SUMF1: variants seen among roughly 807,000 people sequenced by gnomAD.
SUMF1 encodes sulfatase modifying factor 1.
A neutral mutation model predicts 47.6 loss-of-function variants in SUMF1; 48 were observed. That is an observed-to-expected ratio of 1.01 (90% CI 0.80 to 1.28). SUMF1 has a LOEUF of 1.28. SUMF1 is among the 50% of genes most tolerant of loss of function. The pLI is 0.00. For synonymous variants in SUMF1, 230 were observed against 192.1 expected (o/e 1.20, Z -1.63); for missense variants, 571 against 485.4 (o/e 1.18, Z -1.66).
intron 8 of SUMF1, among the ~76,000 whole-genome samples, chr3:4,143,398 TGA>T (rs1432489584): frequency 3.9e-5 from 6 of 151,954 alleles, no homozygotes; most frequent in Non-Finnish European, 8.8e-5. Context: ...TTGCAAGAAG[TGA>T]GTTTTCTTTT....
At chr3:4,077,686 T>G (rs1196354672) in intron 8 of SUMF1, among the ~76,000 whole-genome samples, 1 of 151,966 alleles carries the variant, frequency 6.6e-6, no homozygotes, top group Non-Finnish European at 1.5e-5. Flanking sequence ...GGGATAGCAT[T>G]AGGAGAAATA....
chr3:4,186,515 C>A (rs1268685885), intron 8 of SUMF1, among the ~76,000 whole-genome samples: 2 of 152,040 alleles, frequency 1.3e-5, no homozygotes, highest in African/African-American at 4.8e-5. Flanking sequence ...ATTCAGCCCA[C>A]CATTTTTGTC....
At chr3:4,447,901 G>A (rs58277199) in intron 3 of SUMF1, among the ~76,000 whole-genome samples, 2,128 of 152,162 alleles carry the variant, frequency 0.014, 50 homozygotes, top group African/African-American at 0.049. Context: ...AGTGACAAGA[G>A]GCCCTGTATC....
At chr3:4,034,859 T>C (rs1040892474) in intron 9 of SUMF1, among the ~76,000 whole-genome samples, 1 of 151,796 alleles carries the variant, frequency 6.6e-6, no homozygotes, top group African/African-American at 2.4e-5. Flanking sequence ...CCCTCCAGGA[T>C]TTTAGGAAAA....
chr3:4,037,026 C>G (rs1694813224), intron 9 of SUMF1, among the ~76,000 whole-genome samples: 1 of 151,904 alleles, frequency 6.6e-6, no homozygotes, highest in Non-Finnish European at 1.5e-5. Flanking sequence ...CAAGGAGACA[C>G]AAATCAGAAA....
At chr3:4,316,204 TATTTTA>T in intron 8 of SUMF1, 1 of 683,864 alleles carries the variant, frequency 1.5e-6, no homozygotes, top group Non-Finnish European at 2.6e-6. Flanking sequence ...TGTTTATGTT[TATTTTA>T]GACTATGAAA....
chr3:4,393,904 C>T (rs1404047440), intron 7 of SUMF1, among the ~76,000 whole-genome samples: 3 of 152,016 alleles, frequency 2.0e-5, no homozygotes, highest in Non-Finnish European at 1.5e-5. Context: ...TGACCTCTTA[C>T]ATTGCAATTA....
intron 8 of SUMF1, among the ~76,000 whole-genome samples, chr3:4,343,697 G>A (rs558973284): frequency 6.6e-6 from 1 of 152,330 alleles, no homozygotes; most frequent in Non-Finnish European, 1.5e-5. Context: ...AATTCACTGT[G>A]CATGGATGTA....
intron 8 of SUMF1, among the ~76,000 whole-genome samples, chr3:4,207,917 A>T (rs1197247020): frequency 6.6e-6 from 1 of 152,090 alleles, no homozygotes; most frequent in Non-Finnish European, 1.5e-5. Context: ...CACGTCTGAG[A>T]GTTAAAAACT....
chr3:4,133,226 T>C (rs1559498184), intron 8 of SUMF1, among the ~76,000 whole-genome samples: 1 of 152,184 alleles, frequency 6.6e-6, no homozygotes, highest in Non-Finnish European at 1.5e-5. Context: ...ATAAGATTTA[T>C]TGATTTCACA....
At chr3:4,429,855 A>C (rs1400970147) in intron 3 of SUMF1, among the ~76,000 whole-genome samples, 2 of 152,142 alleles carry the variant, frequency 1.3e-5, no homozygotes, top group African/African-American at 2.4e-5. Context: ...GGCACATCTC[A>C]TCTCACCGGG....
intron 8 of SUMF1, among the ~76,000 whole-genome samples, chr3:4,134,075 C>A (rs935965081): frequency 2.6e-5 from 4 of 152,210 alleles, no homozygotes; most frequent in African/African-American, 9.6e-5. Flanking sequence ...AGAAAGTTAA[C>A]AAGGATATCC....
At chr3:4,059,667 G>A (rs769267991) in intron 9 of SUMF1, among the ~76,000 whole-genome samples, 4 of 151,512 alleles carry the variant, frequency 2.6e-5, no homozygotes, top group African/African-American at 4.8e-5. Context: ...GAGCAAAAAC[G>A]AAAACAATTT....
At chr3:4,086,815 C>T (rs11915355) in intron 8 of SUMF1, among the ~76,000 whole-genome samples, 12,280 of 151,956 alleles carry the variant, frequency 0.081, 875 homozygotes, top group African/African-American at 0.19. Flanking sequence ...TGAAATCTGA[C>T]GGTTTTATAA....
intron 9 of SUMF1, among the ~76,000 whole-genome samples, chr3:4,040,515 T>C (rs1254067174): frequency 6.6e-6 from 1 of 152,172 alleles, no homozygotes; most frequent in African/African-American, 2.4e-5. Flanking sequence ...GAACATGCAA[T>C]TGAAACAATA....
Position 4,268,682 on chromosome 3 carries a change from A to T in SUMF1, c.1014+107648T>A, listed in dbSNP as rs559471273. Reference sequence around the variant, plus strand: ...GTTTACATACACAGAAACTCAGATTAAAAAAAAAATCTATCCAGTGCTAAG... The same window carrying T: ...GTTTACATACACAGAAACTCAGATTTAAAAAAAAATCTATCCAGTGCTAAG... On this transcript the variant is annotated intron_variant and NMD_transcript_variant, in intron 8 of 12. Coordinates refer to the SUMF1 transcript ENST00000448413. 1.8e-4 allele frequency among the ~76,000 whole-genome samples: 26 copies of T among 147,498 alleles called. No individual in the cohort carries two copies. The South Asian group carries it at 4.7e-3, about 27-fold the overall frequency.
intron 8 of SUMF1, among the ~76,000 whole-genome samples, chr3:4,109,693 A>G (rs1328721704): frequency 6.6e-6 from 1 of 151,968 alleles, no homozygotes; most frequent in African/African-American, 2.4e-5. Context: ...CATCACTGAT[A>G]CCCTTTCTTC....
chr3:4,064,492 C>A (rs1457687433), intron 9 of SUMF1, among the ~76,000 whole-genome samples: 2 of 152,098 alleles, frequency 1.3e-5, no homozygotes, highest in Non-Finnish European at 2.9e-5. Context: ...CAAGAAATAA[C>A]TATAAGTATA....
chr3:4,114,357 G>C (rs1366797505), intron 8 of SUMF1, among the ~76,000 whole-genome samples: 1 of 152,076 alleles, frequency 6.6e-6, no homozygotes, highest in Non-Finnish European at 1.5e-5. Flanking sequence ...AATGAGTCTA[G>C]ACTACCATGT....
Sources: allele counts gnomAD v4.1 joint callset (sites outside exome capture counted in the v4.1 genomes callset), GRCh38; gene constraint gnomAD v4.1.1; transcripts MANE v1.5; gene names NCBI Gene and HGNC (gene_info 2026-07-23, HGNC 2026-07-21).